Variants in STRADA observed in about 807,000 individuals in gnomAD.
STRADA encodes STE20 related adaptor alpha, also known as STE20-related kinase adapter protein alpha.
Under a neutral mutation model 55.0 loss-of-function variants are expected in STRADA, and 26 were observed. The ratio of observed to expected loss-of-function variants is 0.47; its 90% confidence interval spans 0.35 to 0.66. The LOEUF (loss-of-function observed/expected upper bound fraction) is 0.66. STRADA is among the 30% of genes least tolerant of loss of function. The pLI, the probability that STRADA is intolerant of heterozygous loss-of-function variation, is 0.01. For missense variants in STRADA, 443 were observed against 549.7 expected (o/e 0.81, Z 1.94); for synonymous variants, 197 against 210.9 (o/e 0.93, Z 0.57).
chr17:63,731,256 CTTTT>C (rs60777564), intron 1 of STRADA, among the ~76,000 whole-genome samples: 27 of 78,040 alleles, frequency 3.5e-4, no homozygotes, highest in Admixed American at 1.5e-3. Context: ...ATATTCTTTC[CTTTT>C]TTTTTTTTTT....
chr17:63,740,017 C>A (rs1318967209), intron 1 of STRADA, among the ~76,000 whole-genome samples: 1 of 144,706 alleles, frequency 6.9e-6, no homozygotes, highest in Admixed American at 6.9e-5. Flanking sequence ...ATCCTACTGC[C>A]TCAGTCTCTC....
chr17:63,741,069 C>T (rs900833264), intron 1 of STRADA: 1 of 152,052 alleles, frequency 6.6e-6, no homozygotes, highest in Non-Finnish European at 1.5e-5. Context: ...ACGGCTCTTT[C>T]TCCGGGAAAG....
Position 63,737,154 on chromosome 17 carries a change from C to G in STRADA, c.-45+4587G>C, listed in dbSNP as rs2038494930. 2.8e-5 allele frequency among the ~76,000 whole-genome samples: 4 copies of G among 145,270 alleles called. No individual in the cohort carries two copies. In the Admixed American group the frequency reaches 2.9e-4, roughly 10 times the overall value. ...GTCCCAGCTACTGGGGAGGCTGAGG[C>G]AGGAGAATCGCTTGAACCTGGGAGG... On this transcript the variant is annotated intron_variant, in intron 1 of 12. Coordinates refer to ENST00000336174, the MANE Select transcript of STRADA (RefSeq NM_001003787.4).
At chr17:63,717,421 C>T (rs2143983440) in intron 4 of STRADA, among the ~76,000 whole-genome samples, 1 of 152,214 alleles carries the variant, frequency 6.6e-6, no homozygotes, top group Middle Eastern at 3.4e-3. Flanking sequence ...GATTCTCCTG[C>T]CTCAGCCTTA....
rs2038769647 is a variant in STRADA at position 63,739,967 on chromosome 17, C to CAGGT, written c.-45+1770_-45+1773dup. 2.0e-5 allele frequency among the ~76,000 whole-genome samples: 3 copies of CAGGT among 147,322 alleles called. No individual in the cohort carries two copies. The South Asian group carries it at 6.4e-4, about 31-fold the overall frequency. On this transcript the variant is annotated intron_variant, in intron 1 of 12. Coordinates refer to ENST00000336174, the MANE Select transcript of STRADA (RefSeq NM_001003787.4). ...GCAGTGCACCAGGCACCCCGCCAGG[C>CAGGT]AGGTACCTGTTCCTGGTTTCAAACT... is the stretch of plus-strand genomic sequence containing the variant.
chr17:63,738,933 C>G (rs1040918746), intron 1 of STRADA, among the ~76,000 whole-genome samples: 2 of 151,722 alleles, frequency 1.3e-5, no homozygotes, highest in African/African-American at 4.8e-5. Context: ...GGGCAGATCA[C>G]GAGGTCAGGA....
At chr17:63,704,247 G>T in intron 11 of STRADA, 94 bp downstream of exon 11, 2 of 1,564,670 alleles carry the variant, frequency 1.3e-6, no homozygotes, top group Non-Finnish European at 8.6e-7. Context: ...TTCCCCTGCA[G>T]AACCTTTGGG....
intron 6 of STRADA, 82 bp from the exon 7 acceptor site, chr17:63,710,918 T>G: frequency 7.9e-7 from 1 of 1,267,298 alleles, no homozygotes; most frequent in Non-Finnish European, 1.1e-6. Context: ...GCATGGACAA[T>G]AGGGGGACCT....
intron 1 of STRADA, among the ~76,000 whole-genome samples, chr17:63,738,340 CAAAAAAAA>C: frequency 1.3e-5 from 1 of 76,794 alleles, no homozygotes; most frequent in Admixed American, 1.6e-4. Flanking sequence ...GACTCCGACT[CAAAAAAAA>C]AAAAAAAAAG....
chr17:63,733,519 G>C (rs1388602274), intron 1 of STRADA, among the ~76,000 whole-genome samples: 1 of 152,030 alleles, frequency 6.6e-6, no homozygotes, highest in African/African-American at 2.4e-5. Flanking sequence ...TCTCTCAAAA[G>C]ACCAATTTAA....
intron 2 of STRADA, 184 bp downstream of exon 2, chr17:63,728,150 T>C: frequency 5.6e-6 from 3 of 535,374 alleles, no homozygotes; most frequent in Non-Finnish European, 9.9e-6. Flanking sequence ...TTTGTGTCTC[T>C]GGTCAGCCTC....
Position 63,714,003 on chromosome 17 carries a change from T to A in STRADA, c.226+3A>T, listed in dbSNP as rs1475510342. 1.9e-6 allele frequency: 3 copies of A among 1,612,752 alleles called. No homozygotes were observed. Among genetic ancestry groups the A allele is most frequent in the Non-Finnish European group, 2.5e-6 (3 of 1,178,840 alleles). On this transcript the variant is annotated splice_donor_region_variant and intron_variant, in intron 5 of 12. Transcript: ENST00000336174. ...GGAGAGTAAGGACGGCCCCTGCACA[T>A]ACCTATCACAGTGAGCAGCTCGTAA... is the stretch of plus-strand genomic sequence containing the variant.
chr17:63,741,145 G>A (rs1282052484), intron 1 of STRADA: 1 of 151,944 alleles, frequency 6.6e-6, no homozygotes, highest in Non-Finnish European at 1.5e-5. Context: ...TATTTCCTGA[G>A]AACTATGAAC....
chr17:63,730,115 C>A (rs2037930797), intron 1 of STRADA, among the ~76,000 whole-genome samples: 1 of 152,118 alleles, frequency 6.6e-6, no homozygotes, highest in South Asian at 2.1e-4. Context: ...GGATTATAGG[C>A]ATGAGCCACT....
At chr17:63,713,353 A>G (rs2036633069) in intron 6 of STRADA, 53 bp downstream of exon 6, 1 of 1,590,960 alleles carries the variant, frequency 6.3e-7, no homozygotes, top group Non-Finnish European at 8.5e-7. Flanking sequence ...TGTAATTCCT[A>G]TCAGAGCCAA....
In STRADA at chr17:63,704,441, G is replaced by C. The variant is rs1380411817; in HGVS notation, c.1000C>G (p.Pro334Ala). 10 of 1,612,504 alleles carry C rather than the reference G, an allele frequency of 6.2e-6. No individual in the cohort carries two copies. The highest frequency in any genetic ancestry group is 8.5e-6 in the Non-Finnish European group (10 of 1,179,814). ...TGGGAGGGCGAGTCACCGTTGGAGG[G>C]CCGGGGGGTGCTGGTGGTCAGGCTG... The part of the protein sequence containing the change: ...SDSLTTSTPR[P>A]SNGDSPSHPY... Residue 334 changes from proline to alanine, a missense_variant, in exon 11 of 13, where the codon CCC becomes GCC. Transcript: ENST00000336174.
intron 4 of STRADA, among the ~76,000 whole-genome samples, chr17:63,717,713 G>C (rs2036993812): frequency 6.6e-6 from 1 of 151,918 alleles, no homozygotes; most frequent in African/African-American, 2.4e-5. Flanking sequence ...CTGACTTCAA[G>C]TGATCTACCC....
rs1198804337 is a variant in STRADA at position 63,713,539 on chromosome 17, AG to A, written c.227-13del. The A allele has an allele frequency of 3.1e-6, 5 of 1,612,218 alleles. No homozygotes were observed. The African/African-American group carries it at 6.7e-5, about 22-fold the overall frequency. ...CTCAAATCCTTTGCCTAAAAGAAAAAGGGAATGCCATACGCAAGGACAAGAA... is the reference window on the plus strand; with the variant it reads ...CTCAAATCCTTTGCCTAAAAGAAAAAGGAATGCCATACGCAAGGACAAGAA... On this transcript the variant is annotated splice_polypyrimidine_tract_variant and intron_variant, in intron 5 of 12. Transcript: ENST00000336174.
intron 1 of STRADA, among the ~76,000 whole-genome samples, chr17:63,736,079 T>C (rs1375822888): frequency 3.3e-5 from 5 of 152,060 alleles, no homozygotes; most frequent in Non-Finnish European, 7.4e-5. Flanking sequence ...GTAGCTGGGA[T>C]TACTGGCATG....
Sources: allele counts gnomAD v4.1 joint callset (sites outside exome capture counted in the v4.1 genomes callset), GRCh38; gene constraint gnomAD v4.1.1; transcripts MANE v1.5; gene names NCBI Gene and HGNC (gene_info 2026-07-23, HGNC 2026-07-21).